TBC1D19: variants seen among roughly 807,000 people sequenced by gnomAD.
TBC1D19 encodes the protein TBC1 domain family member 19, also known as TBC1 domain family, member 19.
In TBC1D19, 60 loss-of-function variants were observed where a neutral mutation model predicts 89.0. The ratio of observed to expected loss-of-function variants is 0.67; its 90% CI spans 0.55 to 0.84. The LOEUF is 0.84. Among genes scored for constraint, TBC1D19 ranks in the 40% least tolerant of loss-of-function variants. TBC1D19 has a pLI of 0.00. For synonymous variants in TBC1D19, 189 were observed against 199.7 expected, an observed-to-expected ratio of 0.95 and a Z score of 0.45; for missense variants, 500 against 610.8, an observed-to-expected ratio of 0.82 and a Z score of 1.91.
intron 1 of TBC1D19, among the ~76,000 whole-genome samples, chr4:26,607,657 T>A (rs1402043975): frequency 6.6e-6 from 1 of 152,070 alleles, no homozygotes; most frequent in East Asian, 1.9e-4. Context: ...AATATTTAAT[T>A]AAAAAATTAC....
chr4:26,643,754 G>A (rs1279434713), intron 7 of TBC1D19, among the ~76,000 whole-genome samples: 4 of 152,128 alleles, frequency 2.6e-5, no homozygotes, highest in African/African-American at 7.2e-5. Context: ...TATCACCACC[G>A]ATTCCACAGA....
intron 13 of TBC1D19, among the ~76,000 whole-genome samples, chr4:26,693,123 TA>T (rs56037009): frequency 0.86 from 117,329 of 136,256 alleles, 52,385 homozygotes; most frequent in South Asian, 0.98. Context: ...AAGACTGTCT[TA>T]AAAAAAAAAA....
At chr4:26,728,460 A>T (rs912159053) in intron 15 of TBC1D19, among the ~76,000 whole-genome samples, 1 of 152,186 alleles carries the variant, frequency 6.6e-6, no homozygotes, top group African/African-American at 2.4e-5. Context: ...ATTATTTTTT[A>T]AAAGTTTATA....
At chr4:26,735,512 T>C (rs1346175813) in intron 16 of TBC1D19, 25 bp downstream of exon 16, 1 of 1,548,414 alleles carries the variant, frequency 6.5e-7, no homozygotes, top group East Asian at 2.3e-5. Context: ...AAAAACATCA[T>C]AATGTACACA....
chr4:26,830,892 T>G, the TBC1D19 span, among the ~76,000 whole-genome samples: 1 of 152,200 alleles, frequency 6.6e-6, no homozygotes, highest in South Asian at 2.1e-4. Flanking sequence ...CTCTTGAAAC[T>G]ATACACACAG....
chr4:26,838,118 C>T, the TBC1D19 span, among the ~76,000 whole-genome samples: 1 of 152,086 alleles, frequency 6.6e-6, no homozygotes, highest in African/African-American at 2.4e-5. Flanking sequence ...TTCTCTTGGC[C>T]CCTTTCCCAT....
Position 26,700,982 on chromosome 4 carries a change from C to T in TBC1D19, c.954+12575C>T, listed in dbSNP as rs147903430. On this transcript the variant is annotated intron_variant, in intron 13 of 20. Coordinates refer to ENST00000264866, the MANE Select transcript of TBC1D19 (RefSeq NM_018317.4). ...CAAGAGTCTACATGACCCTGCATTACCTGGCCCACCTCTCCGGGTGGATTG... is the reference window on the plus strand; with the variant it reads ...CAAGAGTCTACATGACCCTGCATTATCTGGCCCACCTCTCCGGGTGGATTG... Among the ~76,000 whole-genome samples, 51 of 152,252 alleles carry T rather than the reference C, an allele frequency of 3.3e-4. No individual in the cohort carries two copies. The East Asian group carries it at 9.7e-3, about 29-fold the overall frequency.
chr4:26,598,060 C>T (rs1246412270), intron 1 of TBC1D19, among the ~76,000 whole-genome samples: 3 of 152,108 alleles, frequency 2.0e-5, no homozygotes, highest in Non-Finnish European at 4.4e-5. Flanking sequence ...ATATATTTTA[C>T]ATTTCATAAG....
At chr4:26,838,436 A>C in the TBC1D19 span, among the ~76,000 whole-genome samples, 3 of 152,220 alleles carry the variant, frequency 2.0e-5, no homozygotes, top group Non-Finnish European at 2.9e-5. Context: ...GCTGGCTGAC[A>C]TATATGACTT....
At chr4:26,766,481 C>T in the TBC1D19 span, among the ~76,000 whole-genome samples, 2 of 152,154 alleles carry the variant, frequency 1.3e-5, no homozygotes, top group Non-Finnish European at 2.9e-5. Flanking sequence ...TGTGAGGACA[C>T]CTTCCAGATT....
the TBC1D19 span, among the ~76,000 whole-genome samples, chr4:26,840,360 G>A: frequency 6.6e-6 from 1 of 152,256 alleles, no homozygotes; most frequent in East Asian, 1.9e-4. Flanking sequence ...GGGATTACAG[G>A]TGTGAGCCAC....
At chr4:26,816,905 A>G in the TBC1D19 span, among the ~76,000 whole-genome samples, 1 of 152,196 alleles carries the variant, frequency 6.6e-6, no homozygotes, top group Non-Finnish European at 1.5e-5. Context: ...TTCCAATCAT[A>G]TGAAATTTTT....
chr4:26,739,585 A>G (rs1044106460), intron 16 of TBC1D19, among the ~76,000 whole-genome samples: 2 of 152,140 alleles, frequency 1.3e-5, no homozygotes, highest in African/African-American at 4.8e-5. Flanking sequence ...GGAACTTTTC[A>G]TATTTCTGTA....
the TBC1D19 span, among the ~76,000 whole-genome samples, chr4:26,764,135 T>C: frequency 6.6e-6 from 1 of 152,246 alleles, no homozygotes; most frequent in African/African-American, 2.4e-5. Context: ...TACTTCTTTT[T>C]TGAATAAGTT....
the TBC1D19 span, among the ~76,000 whole-genome samples, chr4:26,767,383 T>C: frequency 1.3e-4 from 20 of 152,162 alleles, no homozygotes; most frequent in Non-Finnish European, 2.4e-4. Context: ...ACCACTTGAA[T>C]AAATTTCCAT....
the TBC1D19 span, among the ~76,000 whole-genome samples, chr4:26,841,914 A>G: frequency 1.3e-5 from 2 of 152,318 alleles, no homozygotes; most frequent in African/African-American, 4.8e-5. Flanking sequence ...ATAAAGATGA[A>G]CAGTAAAATT....
the TBC1D19 span, among the ~76,000 whole-genome samples, chr4:26,839,228 C>T: frequency 2.0e-5 from 3 of 151,640 alleles, no homozygotes; most frequent in African/African-American, 7.3e-5. Flanking sequence ...GCCATAAAAA[C>T]GATGTCGTCA....
the TBC1D19 span, among the ~76,000 whole-genome samples, chr4:26,825,058 T>C: frequency 1.3e-5 from 2 of 152,226 alleles, no homozygotes; most frequent in Admixed American, 6.5e-5. Flanking sequence ...TGGCTATCTA[T>C]ATTGATATTT....
chr4:26,727,299 T>C (rs1461270663), intron 15 of TBC1D19, among the ~76,000 whole-genome samples: 1 of 152,202 alleles, frequency 6.6e-6, no homozygotes, highest in East Asian at 1.9e-4. Context: ...TAATGGATTC[T>C]TCACTGCTTC....
Sources: gnomAD v4.1 joint callset for allele counts (sites outside exome capture counted in the v4.1 genomes callset) on GRCh38, gnomAD v4.1.1 for gene constraint, MANE v1.5 for transcripts, NCBI Gene and HGNC (gene_info 2026-07-23, HGNC 2026-07-21) for gene names.